BCKDHB: variants seen among roughly 807,000 people sequenced by gnomAD.
BCKDHB encodes branched chain keto acid dehydrogenase E1 subunit beta, also known as 2-oxoisovalerate dehydrogenase subunit beta, mitochondrial.
BCKDHB carries 41 observed loss-of-function variants against 48.5 expected under a neutral mutation model. That is an observed-to-expected ratio of 0.85 (90% confidence interval 0.66 to 1.10). The LOEUF (loss-of-function observed/expected upper bound fraction) is 1.10. BCKDHB is among the 50% of genes least tolerant of loss of function. The pLI is 0.00. For missense variants in BCKDHB, 496 were observed against 494.2 expected, an observed-to-expected ratio of 1.00 and a Z score of -0.03; for synonymous variants, 201 against 174.8, an observed-to-expected ratio of 1.15 and a Z score of -1.18.
chr6:80,200,981 G>A lies in BCKDHB; in HGVS notation c.790G>A (p.Glu264Lys), dbSNP rs933828560. Residue 264 changes from glutamate (E) to lysine (K), a missense_variant, in exon 7 of 10, where the codon GAA becomes AAA. Coordinates refer to ENST00000320393, the MANE Select transcript of BCKDHB (RefSeq NM_183050.4). ...ATACAACATCCCACTGTCCCAGGCCGAAGTCATACAGGAAGGGAGTGATGT... is the reference window on the plus strand; with the variant it reads ...ATACAACATCCCACTGTCCCAGGCCAAAGTCATACAGGAAGGGAGTGATGT... ...EPYNIPLSQA[E>K]VIQEGSDVTL... The A allele has an allele frequency of 3.1e-6, 5 of 1,612,814 alleles. No homozygotes were observed. Among genetic ancestry groups the A allele is most frequent in the African/African-American group, 1.3e-5 (1 of 74,782 alleles).
chr6:80,370,894 G>T, the BCKDHB span, among the ~76,000 whole-genome samples: 4 of 151,766 alleles, frequency 2.6e-5, no homozygotes, highest in African/African-American at 9.7e-5. Flanking sequence ...ATTGATTGAT[G>T]GGGATTTGGG....
At chr6:80,358,913 C>T in the BCKDHB span, among the ~76,000 whole-genome samples, 2 of 152,200 alleles carry the variant, frequency 1.3e-5, no homozygotes, top group South Asian at 2.1e-4. Flanking sequence ...CTAGGAGACC[C>T]GTGGATGTGT....
chr6:80,409,717 T>A, the BCKDHB span, among the ~76,000 whole-genome samples: 1 of 149,592 alleles, frequency 6.7e-6, no homozygotes, highest in Non-Finnish European at 1.5e-5. Flanking sequence ...TGGTTTAAAG[T>A]CTGTTTTATC....
intron 9 of BCKDHB, among the ~76,000 whole-genome samples, chr6:80,278,041 G>C (rs1778040027): frequency 6.6e-6 from 1 of 152,180 alleles, no homozygotes; most frequent in African/African-American, 2.4e-5. Context: ...GAGGGGAAAA[G>C]ATCCTATAGG....
chr6:80,226,754 C>T lies in BCKDHB; in HGVS notation c.951+23542C>T, dbSNP rs541402231. Among the ~76,000 whole-genome samples the T allele has an allele frequency of 2.0e-5, 3 of 152,318 alleles. No homozygotes were observed. The East Asian group carries it at 5.8e-4, about 29-fold the overall frequency. On this transcript the variant is annotated intron_variant, in intron 8 of 9. Transcript: ENST00000320393. ...TTTTTCTGCAGCAGGCGCCTGCCTT[C>T]AGCGTTTTTGAGGATAACACGATAC...
At chr6:80,462,137 T>C in the BCKDHB span, among the ~76,000 whole-genome samples, 4 of 152,288 alleles carry the variant, frequency 2.6e-5, no homozygotes, top group African/African-American at 9.6e-5. Flanking sequence ...AAACACATAT[T>C]GTCTCTTTTC....
Position 80,250,748 on chromosome 6 carries a change from T to C in BCKDHB, c.952-22387T>C, listed in dbSNP as rs571601068. On this transcript the variant is annotated intron_variant, in intron 8 of 9. Transcript: ENST00000320393. ...CTGTGGTAAGAATGAATCCATCTTATAAGAGTCCATGGCACAGTGGATATA... is the reference window on the plus strand; with the variant it reads ...CTGTGGTAAGAATGAATCCATCTTACAAGAGTCCATGGCACAGTGGATATA... Among the ~76,000 whole-genome samples, 128 of 152,288 alleles carry C rather than the reference T, an allele frequency of 8.4e-4. 1 individual carries two copies. The highest frequency in any genetic ancestry group is 3.0e-3 in the African/African-American group (123 of 41,560).
the BCKDHB span, among the ~76,000 whole-genome samples, chr6:80,426,356 T>G: frequency 6.6e-6 from 1 of 151,814 alleles, no homozygotes; most frequent in African/African-American, 2.4e-5. Flanking sequence ...TATTATTGTC[T>G]TCTTCTCTTT....
the BCKDHB span, among the ~76,000 whole-genome samples, chr6:80,457,661 T>C: frequency 1.8e-4 from 27 of 152,150 alleles, no homozygotes; most frequent in Non-Finnish European, 3.4e-4. Flanking sequence ...CAGGAAAGCA[T>C]AAAACTGCTG....
Position 80,265,784 on chromosome 6 carries a change from C to A in BCKDHB, c.952-7351C>A, listed in dbSNP as rs921095432. 2.6e-5 allele frequency among the ~76,000 whole-genome samples: 4 copies of A among 151,942 alleles called. 1 individual carries two copies. Among genetic ancestry groups the A allele is most frequent in the Non-Finnish European group, 5.9e-5 (4 of 67,978 alleles). On this transcript the variant is annotated intron_variant, in intron 8 of 9. Transcript: ENST00000320393. ...TGGAACAATATAATAGGTATTAACA[C>A]CATGGTAACAACACTTGAATGAAGG...
chr6:80,200,585 T>C (rs903946233), intron 6 of BCKDHB, among the ~76,000 whole-genome samples: 1 of 152,206 alleles, frequency 6.6e-6, no homozygotes, highest in Non-Finnish European at 1.5e-5. Flanking sequence ...GTTTGCCTTA[T>C]TAACATCTTA....
intron 3 of BCKDHB, among the ~76,000 whole-genome samples, chr6:80,138,617 A>G (rs1383500045): frequency 6.6e-6 from 1 of 152,180 alleles, no homozygotes; most frequent in East Asian, 1.9e-4. Flanking sequence ...TACAAAGGAC[A>G]TGAACTCATC....
intron 9 of BCKDHB, among the ~76,000 whole-genome samples, chr6:80,320,532 A>G (rs947425951): frequency 6.6e-6 from 1 of 152,192 alleles, no homozygotes; most frequent in Non-Finnish European, 1.5e-5. Context: ...TAGGACCCAA[A>G]TCTAAGTCTC....
chr6:80,163,961 T>C (rs1772447765), intron 3 of BCKDHB, among the ~76,000 whole-genome samples: 1 of 152,242 alleles, frequency 6.6e-6, no homozygotes, highest in African/African-American at 2.4e-5. Flanking sequence ...TCTGCTATTA[T>C]GCATTGTTAT....
At chr6:80,400,330 A>C in the BCKDHB span, among the ~76,000 whole-genome samples, 2 of 152,058 alleles carry the variant, frequency 1.3e-5, no homozygotes, top group Admixed American at 6.6e-5. Context: ...CATCTGACAA[A>C]GGTCTAATAG....
the BCKDHB span, among the ~76,000 whole-genome samples, chr6:80,449,597 G>T: frequency 6.6e-6 from 1 of 152,152 alleles, no homozygotes; most frequent in Admixed American, 6.5e-5. Flanking sequence ...CTAAAGACTT[G>T]ATTAGACTCA....
At chr6:80,357,217 G>A in the BCKDHB span, among the ~76,000 whole-genome samples, 2 of 152,098 alleles carry the variant, frequency 1.3e-5, no homozygotes, top group African/African-American at 4.8e-5. Flanking sequence ...TAGCAACTGT[G>A]GGAAGTCATT....
At chr6:80,449,015 C>T in the BCKDHB span, among the ~76,000 whole-genome samples, 3 of 152,158 alleles carry the variant, frequency 2.0e-5, no homozygotes, top group Non-Finnish European at 2.9e-5. Flanking sequence ...CTAACAAAAT[C>T]AGTAGTAATT....
the BCKDHB span, among the ~76,000 whole-genome samples, chr6:80,410,254 T>C: frequency 1.3e-5 from 2 of 152,208 alleles, no homozygotes; most frequent in Non-Finnish European, 2.9e-5. Context: ...TTATTTTCTT[T>C]AAGAATCTTG....
Sources: gnomAD v4.1 joint callset for allele counts (sites outside exome capture counted in the v4.1 genomes callset) on GRCh38, gnomAD v4.1.1 for gene constraint, MANE v1.5 for transcripts, NCBI Gene and HGNC (gene_info 2026-07-23, HGNC 2026-07-21) for gene names.